CYP3A5: variants seen among roughly 807,000 people sequenced by gnomAD.
The protein encoded by CYP3A5 is cytochrome P450 family 3 subfamily A member 5.
CYP3A5 carries 51 observed loss-of-function variants against 55.9 expected under a neutral mutation model. The ratio of observed to expected loss-of-function variants is 0.91; its 90% CI spans 0.73 to 1.15. The LOEUF (loss-of-function observed/expected upper bound fraction) is 1.15. Among genes scored for constraint, CYP3A5 ranks in the 50% most tolerant of loss-of-function variants. The pLI is 0.00. For synonymous variants in CYP3A5, 196 were observed against 213.9 expected (o/e 0.92, Z 0.73); for missense variants, 533 against 596.6 (o/e 0.89, Z 1.11).
chr7:99,669,620 A>C (rs1811379394), intron 4 of CYP3A5, among the ~76,000 whole-genome samples: 2 of 152,202 alleles, frequency 1.3e-5, no homozygotes, highest in Admixed American at 6.5e-5. Context: ...AAAACTGCTA[A>C]TTTAAAATTT....
intron 10 of CYP3A5, among the ~76,000 whole-genome samples, chr7:99,654,800 T>C (rs1809546407): frequency 6.6e-6 from 1 of 152,250 alleles, no homozygotes; most frequent in Non-Finnish European, 1.5e-5. Flanking sequence ...TGGTATCTCA[T>C]TGTGGTTTTG....
At chr7:99,655,703 A>G (rs1318709904) in intron 10 of CYP3A5, among the ~76,000 whole-genome samples, 1 of 152,012 alleles carries the variant, frequency 6.6e-6, no homozygotes, top group African/African-American at 2.4e-5. Context: ...GATTCTTCCT[A>G]CCCATGAGCA....
At chr7:99,666,273 C>T (rs776061566) in intron 6 of CYP3A5, among the ~76,000 whole-genome samples, 2 of 152,232 alleles carry the variant, frequency 1.3e-5, no homozygotes, top group African/African-American at 2.4e-5. Context: ...TGCTTACCCA[C>T]AGTTCCATAT....
chr7:99,670,544 G>A (rs1202969936), intron 4 of CYP3A5, among the ~76,000 whole-genome samples: 3 of 152,136 alleles, frequency 2.0e-5, no homozygotes, highest in African/African-American at 4.8e-5. Context: ...TCCATTTTCA[G>A]TCGACATATA....
chr7:99,671,894 A>AT (rs1251722214), intron 4 of CYP3A5: 2 of 701,426 alleles, frequency 2.9e-6, no homozygotes, highest in Admixed American at 2.0e-5. Flanking sequence ...AATGTGAAAA[A>AT]TTGCTTAGAA....
At chr7:99,669,330 C>A (rs1811352184) in intron 4 of CYP3A5, among the ~76,000 whole-genome samples, 1 of 151,936 alleles carries the variant, frequency 6.6e-6, no homozygotes. Context: ...GACAAAATAG[C>A]AGAACTGAAA....
chr7:99,657,599 C>A (rs1368990286), intron 10 of CYP3A5, among the ~76,000 whole-genome samples: 18 of 152,186 alleles, frequency 1.2e-4, no homozygotes, highest in Admixed American at 1.2e-3. Context: ...TCTATTATGT[C>A]CACTTTGTGC....
intron 9 of CYP3A5, 101 bp from the exon 10 acceptor site, chr7:99,660,760 A>T: frequency 7.1e-7 from 1 of 1,416,510 alleles, no homozygotes. Flanking sequence ...AGAAGAAAAA[A>T]TGGAAAAGCA....
Position 99,648,195 on chromosome 7 carries a change from A to G in CYP3A5, c.*110T>C. ...CAAAATCACCAACTACTCATGCAGT[A>G]CATTAGATTAAGCCCATCTTTATTT... is the stretch of plus-strand genomic sequence containing the variant. On this transcript the variant is annotated 3_prime_UTR_variant, in exon 13 of 13. Transcript: ENST00000222982. 1 of 1,472,770 alleles carries G rather than the reference A, an allele frequency of 6.8e-7. No homozygotes were observed. The highest frequency in any genetic ancestry group is 9.0e-7 in the Non-Finnish European group (1 of 1,107,324). The allele number at this position is 1,472,770 out of a possible 1,614,324, so 91.2% of individuals were successfully genotyped here.
Position 99,652,683 on chromosome 7 carries a change from T to C in CYP3A5, c.1123A>G (p.Arg375Gly), listed in dbSNP as rs756271054. ...RLFPVAIRLE[R>G]TCKKDVEING... ...ATTTCAACATCTTTCTTGCAAGTCC[T>C]CTCAAGTCTAATAGCAACTGGGAAT... Residue 375 changes from arginine (R) to glycine (G), a missense_variant, in exon 11 of 13, where the codon AGG (arginine) becomes GGG (glycine). Coordinates refer to ENST00000222982, the MANE Select transcript of CYP3A5 (RefSeq NM_000777.5). 3.1e-6 allele frequency: 5 copies of C among 1,614,134 alleles called. No individual in the cohort carries two copies. The East Asian group carries it at 1.1e-4, about 36-fold the overall frequency.
intron 1 of CYP3A5, among the ~76,000 whole-genome samples, 158 bp downstream of exon 1, chr7:99,679,668 A>G (rs1431130837): frequency 3.9e-5 from 6 of 152,262 alleles, no homozygotes; most frequent in African/African-American, 1.4e-4. Context: ...ATAGATCTGC[A>G]TAAGATAATA....
chr7:99,664,831 A>G (rs1370314901), intron 7 of CYP3A5, among the ~76,000 whole-genome samples: 1 of 152,232 alleles, frequency 6.6e-6, no homozygotes. Flanking sequence ...GACTAAAATA[A>G]ACTCATGAAA....
chr7:99,664,752 T>G (rs913881208), intron 7 of CYP3A5, among the ~76,000 whole-genome samples: 1 of 151,944 alleles, frequency 6.6e-6, no homozygotes, highest in African/African-American at 2.4e-5. Context: ...TTATAATTAT[T>G]TACACCACAA....
intron 10 of CYP3A5, among the ~76,000 whole-genome samples, chr7:99,658,148 C>G (rs1001191704): frequency 6.6e-6 from 1 of 152,050 alleles, no homozygotes; most frequent in Non-Finnish European, 1.5e-5. Context: ...TTATTTTGCT[C>G]GTTAGTTGAT....
chr7:99,650,373 A>G, intron 11 of CYP3A5, 141 bp from the exon 12 acceptor site: 1 of 744,258 alleles, frequency 1.3e-6, no homozygotes, highest in East Asian at 2.6e-5. Flanking sequence ...TGGTCATTGA[A>G]ATCCTGCTTT....
intron 2 of CYP3A5, 43 bp from the exon 3 acceptor site, chr7:99,674,628 A>G (rs1418605536): frequency 6.5e-7 from 1 of 1,549,010 alleles, no homozygotes; most frequent in Non-Finnish European, 8.9e-7. Flanking sequence ...TATTTTAAAT[A>G]GAATAAACCC....
chr7:99,653,484 A>AATAAATAC lies in CYP3A5; in HGVS notation c.1027-706_1027-705insGTATTTAT, dbSNP rs1479586967. On this transcript the variant is annotated intron_variant, in intron 10 of 12. Coordinates refer to ENST00000222982, the MANE Select transcript of CYP3A5 (RefSeq NM_000777.5). The surrounding 1 kb of genome is among the most constrained non-coding windows in gnomAD (Gnocchi z 4.2). ...AAATAAATAAATAAATAAATAAATA[A>AATAAATAC]ATTTGTGGATAAACTTGTTCCTTTC... Among the ~76,000 whole-genome samples, 6 of 152,006 alleles carry AATAAATAC rather than the reference A, an allele frequency of 3.9e-5. No homozygotes were observed. Among genetic ancestry groups the AATAAATAC allele is most frequent in the African/African-American group, 9.6e-5 (4 of 41,468 alleles).
chr7:99,673,946 C>T (rs1811963608), intron 3 of CYP3A5, among the ~76,000 whole-genome samples: 1 of 152,194 alleles, frequency 6.6e-6, no homozygotes, highest in Non-Finnish European at 1.5e-5. Context: ...CACATGGGAT[C>T]CTTGGTAGGA....
chr7:99,651,875 G>A (rs1203533728), intron 11 of CYP3A5, among the ~76,000 whole-genome samples: 1 of 152,218 alleles, frequency 6.6e-6, no homozygotes, highest in Admixed American at 6.5e-5. Flanking sequence ...GCACAGGACT[G>A]CAGCCACAGA....
Sources: allele counts gnomAD v4.1 joint callset (sites outside exome capture counted in the v4.1 genomes callset), GRCh38; gene constraint gnomAD v4.1.1; non-coding constraint Gnocchi (gnomAD v3.1); transcripts MANE v1.5; gene names NCBI Gene and HGNC (gene_info 2026-07-23, HGNC 2026-07-21).